The following NOXA1 variants were observed in gnomAD, a reference collection of about 807,000 sequenced individuals.
The protein encoded by NOXA1 is NCF2-like protein.
A neutral mutation model predicts 64.8 loss-of-function variants in NOXA1; 56 were observed. That is an observed-to-expected ratio of 0.86 (90% CI 0.70 to 1.08). NOXA1 has a LOEUF of 1.08. NOXA1 is among the 50% of genes least tolerant of loss of function. The pLI is 0.00. For synonymous variants in NOXA1, 295 were observed against 294.8 expected, an observed-to-expected ratio of 1.00 and a Z score of -0.01; for missense variants, 668 against 658.5, an observed-to-expected ratio of 1.01 and a Z score of -0.16.
chr9:137,427,904 G>A (rs1386191647), intron 2 of NOXA1, 129 bp from the exon 3 acceptor site: 4 of 641,860 alleles, frequency 6.2e-6, no homozygotes, highest in African/African-American at 3.6e-5. Context: ...CCTAGGCACC[G>A]CACTGCCCTC....
intron 1 of NOXA1, 108 bp from the exon 2 acceptor site, chr9:137,426,140 C>T: frequency 9.7e-7 from 1 of 1,027,484 alleles, no homozygotes; most frequent in Non-Finnish European, 1.5e-6. Flanking sequence ...GTGGGGGGTC[C>T]CCAGGGGCTG....
chr9:137,429,328 C>T lies in NOXA1; in HGVS notation c.557C>T (p.Pro186Leu). The change falls in exon 5 of 14, where the codon CCC (proline) becomes CTC (leucine). Residue 186 changes from proline to leucine, a missense_variant. Pro to Leu is a moderately conservative substitution (Grantham distance 98). Transcript: ENST00000683555. ...GTCCCCAGGGGCGAGGTCTTCCGGC[C>T]CCACCGGTGGCACCTGAAGCACTTG... The part of the protein sequence containing the change: ...RQVPRGEVFR[P>L]HRWHLKHLEP... The T allele has an allele frequency of 6.3e-7, 1 of 1,582,998 alleles. No individual in the cohort carries two copies. The highest frequency in any genetic ancestry group is 8.6e-7 in the Non-Finnish European group (1 of 1,166,070).
chr9:137,433,829 G>C lies in NOXA1; in HGVS notation c.1144G>C (p.Ala382Pro). The change falls in exon 12 of 14, where the codon GCT (alanine) becomes CCT (proline). Residue 382 changes from alanine (A) to proline (P), a missense_variant. Ala to Pro is a conservative substitution (Grantham distance 27, BLOSUM62 -1). Transcript: ENST00000683555. ...ESLQRAWQDAAACPRGLQLQC... is the reference protein window; with the variant it reads ...ESLQRAWQDAPACPRGLQLQC... ...GCTGCAGAGGGCCTGGCAGGACGCA[G>C]CTGCCTGCCCCAGGGGGCTGCAGCT... 6.9e-7 allele frequency: 1 copy of C among 1,451,468 alleles called. No individual in the cohort carries two copies. Among genetic ancestry groups the C allele is most frequent in the South Asian group, 1.5e-5 (1 of 68,146 alleles). The allele number at this position is 1,451,468 out of a possible 1,614,324, so 89.9% of individuals were successfully genotyped here.
At chr9:137,429,063 A>G (rs1838971663) in intron 4 of NOXA1, 47 bp downstream of exon 4, 1 of 1,484,752 alleles carries the variant, frequency 6.7e-7, no homozygotes, top group Non-Finnish European at 9.0e-7. Context: ...TGCCTACCAA[A>G]GCTCCTCAAG....
intron 3 of NOXA1, 45 bp downstream of exon 3, chr9:137,428,186 C>T (rs1295779794): frequency 1.4e-6 from 2 of 1,417,650 alleles, no homozygotes; most frequent in Non-Finnish European, 1.9e-6. Flanking sequence ...GTGGGGTGTC[C>T]ACGGGCGGTG....
chr9:137,432,078 G>A (rs1047100112), intron 8 of NOXA1, among the ~76,000 whole-genome samples: 6 of 152,044 alleles, frequency 3.9e-5, no homozygotes, highest in South Asian at 4.1e-4. Context: ...TTAAGCTCTC[G>A]TCCTTCCTAA....
intron 1 of NOXA1, among the ~76,000 whole-genome samples, chr9:137,424,373 A>G (rs1838742931): frequency 6.6e-6 from 1 of 152,250 alleles, no homozygotes; most frequent in South Asian, 2.1e-4. Flanking sequence ...AAAGCGCATG[A>G]GACCCCCCTC....
At chr9:137,424,709 A>C (rs1458345353) in intron 1 of NOXA1, among the ~76,000 whole-genome samples, 1 of 152,128 alleles carries the variant, frequency 6.6e-6, no homozygotes, top group East Asian at 1.9e-4. Context: ...TAGTGGTGGG[A>C]TTACACATGT....
chr9:137,431,368 G>GCTT lies in NOXA1; in HGVS notation c.804+29_804+30insTCT. On this transcript the variant is annotated intron_variant, in intron 8 of 13. Coordinates refer to ENST00000683555, the MANE Select transcript of NOXA1 (RefSeq NM_001256067.2). This position sits in a 1 kb window ranked among gnomAD's most constrained non-coding sequence, Gnocchi z 5.6. ...TGCGTGGGCCTGGGCCTCTTCCCCT[G>GCTT]CTGGGGGTCGGTGCTTCTGCTGCCT... The GCTT allele has an allele frequency of 6.3e-7, 1 of 1,575,086 alleles. No individual in the cohort carries two copies. The highest frequency in any genetic ancestry group is 1.7e-5 in the Admixed American group (1 of 59,886).
Position 137,423,676 on chromosome 9 carries a change from G to T in NOXA1, c.147G>T (p.Leu49=). 7.3e-7 allele frequency: 1 copy of T among 1,371,436 alleles called. No homozygotes were observed. The highest frequency in any genetic ancestry group is 9.4e-7 in the Non-Finnish European group (1 of 1,060,558). 85.0% of individuals were successfully genotyped at this position (1,371,436 alleles called of 1,614,324 possible). ...RLCFNAGCVH[L]LAGDPEAALR... ...GCTTCAACGCGGGCTGCGTGCACCT[G>T]CTGGCCGGGGACCCCGAGGCCGCGC... Residue 49 remains leucine, a synonymous_variant, in exon 1 of 14, where the codon CTG becomes CTT. Coordinates refer to ENST00000683555, the MANE Select transcript of NOXA1 (RefSeq NM_001256067.2).
chr9:137,432,342 G>A (rs941481183), intron 8 of NOXA1, among the ~76,000 whole-genome samples: 2 of 151,194 alleles, frequency 1.3e-5, no homozygotes, highest in Non-Finnish European at 2.9e-5. Context: ...CACTTTGGGA[G>A]GCCTAGGCAG....
chr9:137,427,535 G>A (rs1838889081), intron 2 of NOXA1, among the ~76,000 whole-genome samples: 1 of 152,234 alleles, frequency 6.6e-6, no homozygotes, highest in Non-Finnish European at 1.5e-5. Context: ...ATGGCTGTGG[G>A]ACTGTCCCTT....
In NOXA1 at chr9:137,433,456, G is replaced by C; in HGVS notation, c.913G>C (p.Ala305Pro). 1 of 1,598,152 alleles carries C rather than the reference G, an allele frequency of 6.3e-7. No individual in the cohort carries two copies. The highest frequency in any genetic ancestry group is 2.2e-4 in the Middle Eastern group (1 of 4,540). Reference sequence around the variant, plus strand: ...TCCCCCTCCTGCCTGGACCCAGGGAGCAGGTGCAGGGGGCTCCGAGCCCCT... The same window carrying C: ...TCCCCCTCCTGCCTGGACCCAGGGACCAGGTGCAGGGGGCTCCGAGCCCCT... Reference protein sequence around the residue: ...PCEDPAGAGGAGAGGSEPLVT... With the variant: ...PCEDPAGAGGPGAGGSEPLVT... The change falls in exon 11 of 14, where the codon GCA becomes CCA. Residue 305 changes from alanine to proline, a missense_variant. By Grantham distance (27) the Ala-to-Pro change is conservative. Coordinates refer to ENST00000683555, the MANE Select transcript of NOXA1 (RefSeq NM_001256067.2).
chr9:137,424,794 C>T (rs976563429), intron 1 of NOXA1, among the ~76,000 whole-genome samples: 3 of 152,124 alleles, frequency 2.0e-5, no homozygotes, highest in African/African-American at 7.2e-5. Context: ...CTTTAGACAC[C>T]AGGTGGTTCA....
At chr9:137,426,434 T>G (rs959927008) in intron 2 of NOXA1, 104 bp downstream of exon 2, 2 of 968,676 alleles carry the variant, frequency 2.1e-6, no homozygotes, top group Non-Finnish European at 3.3e-6. Flanking sequence ...TCCCTCCTCT[T>G]GCCCACCCCC....
intron 1 of NOXA1, among the ~76,000 whole-genome samples, chr9:137,425,061 G>T (rs1838794310): frequency 6.6e-6 from 1 of 152,238 alleles, no homozygotes; most frequent in African/African-American, 2.4e-5. Flanking sequence ...GGGCAGACAG[G>T]TGGGTTCTGC....
intron 3 of NOXA1, 107 bp from the exon 4 acceptor site, chr9:137,428,775 G>A (rs1838955985): frequency 2.6e-6 from 3 of 1,151,408 alleles, no homozygotes; most frequent in African/African-American, 3.3e-5. Flanking sequence ...TGGGGGGACT[G>A]GGGGAGGGGC....
intron 8 of NOXA1, 43 bp from the exon 9 acceptor site, chr9:137,432,986 C>T: frequency 6.2e-7 from 1 of 1,609,076 alleles, no homozygotes; most frequent in East Asian, 2.2e-5. Context: ...CGGCCTCCAG[C>T]ACCTGACCGC....
chr9:137,423,421 C>T lies in NOXA1; in HGVS notation c.-109C>T. On this transcript the variant is annotated 5_prime_UTR_variant, in exon 1 of 14. Coordinates refer to ENST00000683555, the MANE Select transcript of NOXA1 (RefSeq NM_001256067.2). ...GGGGTTGCACCTGGCGCTTGGCGCC[C>T]GCACCTCTGCCCGCCTCGGAGACCC... The T allele has an allele frequency of 3.0e-6, 2 of 670,012 alleles. No homozygotes were observed. The highest frequency in any genetic ancestry group is 2.0e-6 in the Non-Finnish European group (1 of 498,576). The allele number at this position is 670,012 out of a possible 1,614,324, so 41.5% of individuals were successfully genotyped here.
Sources: gnomAD v4.1 joint callset for allele counts (sites outside exome capture counted in the v4.1 genomes callset) on GRCh38, gnomAD v4.1.1 for gene constraint, Gnocchi (gnomAD v3.1) non-coding constraint, MANE v1.5 for transcripts, NCBI Gene and HGNC (gene_info 2026-07-23, HGNC 2026-07-21) for gene names.